NCAM2: variants seen among roughly 807,000 people sequenced by gnomAD.
NCAM2 encodes the protein N-CAM-2.
A neutral mutation model predicts 98.1 loss-of-function variants in NCAM2; 30 were observed. The ratio of observed to expected loss-of-function variants is 0.31; its 90% confidence interval spans 0.23 to 0.41. NCAM2 has a LOEUF of 0.41. Among genes scored for constraint, NCAM2 ranks in the 10% least tolerant of loss-of-function variants. The pLI, the probability that NCAM2 is intolerant of heterozygous loss-of-function variation, is 1.00. For synonymous variants in NCAM2, 368 were observed against 342.4 expected, an observed-to-expected ratio of 1.07 and a Z score of -0.83; for missense variants, 867 against 1,005.8, an observed-to-expected ratio of 0.86 and a Z score of 1.87.
intron 12 of NCAM2, among the ~76,000 whole-genome samples, chr21:21,453,038 T>C (rs1435555175): frequency 8.4e-6 from 1 of 119,754 alleles, no homozygotes; most frequent in African/African-American, 3.3e-5. Context: ...ATAAAAATAA[T>C]ATATACATAT....
chr21:21,497,741 A>G (rs940429834), intron 15 of NCAM2, among the ~76,000 whole-genome samples: 3 of 152,190 alleles, frequency 2.0e-5, no homozygotes, highest in Non-Finnish European at 4.4e-5. Context: ...TTCTGGGAAA[A>G]GAAATTCGGT....
At chr21:21,013,265 C>T (rs2059606237) in intron 1 of NCAM2, among the ~76,000 whole-genome samples, 3 of 152,172 alleles carry the variant, frequency 2.0e-5, no homozygotes, top group Admixed American at 2.0e-4. Flanking sequence ...TTAAAAAAGC[C>T]ACTCCAGTGA....
At chr21:21,335,331 G>A (rs982452380) in intron 6 of NCAM2, among the ~76,000 whole-genome samples, 174 bp from the exon 7 acceptor site, 6 of 151,952 alleles carry the variant, frequency 3.9e-5, no homozygotes, top group Admixed American at 6.6e-5. Flanking sequence ...TAATTTTATT[G>A]TTTATTCGTT....
At chr21:21,438,266 G>GCT (rs1978689556) in intron 12 of NCAM2, among the ~76,000 whole-genome samples, 1 of 151,754 alleles carries the variant, frequency 6.6e-6, no homozygotes, top group Admixed American at 6.6e-5. Flanking sequence ...GTAATTATCA[G>GCT]CTCTTGGTGG....
intron 1 of NCAM2, among the ~76,000 whole-genome samples, chr21:21,155,411 A>T (rs547519496): frequency 2.6e-5 from 4 of 151,772 alleles, no homozygotes; most frequent in East Asian, 1.9e-4. Flanking sequence ...TATGTGTCAA[A>T]GTCTTGTGGG....
At chr21:21,078,763 T>C (rs781157366) in intron 1 of NCAM2, among the ~76,000 whole-genome samples, 1 of 152,094 alleles carries the variant, frequency 6.6e-6, no homozygotes, top group South Asian at 2.1e-4. Flanking sequence ...CTGTTTACAA[T>C]AACAAACACA....
intron 4 of NCAM2, among the ~76,000 whole-genome samples, chr21:21,289,544 A>T (rs1293990245): frequency 6.6e-6 from 1 of 151,970 alleles, no homozygotes; most frequent in Non-Finnish European, 1.5e-5. Context: ...AGGGAAGACC[A>T]TGTGCAATGG....
At chr21:21,530,031 A>G (rs1989538021) in intron 16 of NCAM2, among the ~76,000 whole-genome samples, 1 of 147,474 alleles carries the variant, frequency 6.8e-6, no homozygotes, top group Non-Finnish European at 1.5e-5. Context: ...ATCTATATGT[A>G]ATTTTATATT....
rs34951356 is a variant in NCAM2 at position 21,396,161 on chromosome 21, GAAA to G, written c.1196-14102_1196-14100del. Reference sequence around the variant, plus strand: ...ATCTACAAGGAACCCAAATCAGCAAGAAAAAAAAAAAAATACCATCAATAAGTG... The same window carrying G: ...ATCTACAAGGAACCCAAATCAGCAAGAAAAAAAAAATACCATCAATAAGTG... On this transcript the variant is annotated intron_variant, in intron 9 of 17. Coordinates refer to ENST00000400546, the MANE Select transcript of NCAM2 (RefSeq NM_004540.5). Among the ~76,000 whole-genome samples the G allele has an allele frequency of 7.8e-4, 108 of 137,748 alleles. 1 individual carries two copies. The highest frequency in any genetic ancestry group is 1.9e-3 in the African/African-American group (72 of 38,346). The allele number at this position is 137,748 out of a possible 152,430, so 90.4% of individuals were successfully genotyped here. A position where few individuals can be genotyped will look rare whatever the true frequency, so the allele number is the denominator to read the frequency against.
chr21:21,161,214 A>G (rs567830735), intron 1 of NCAM2, among the ~76,000 whole-genome samples: 42 of 152,196 alleles, frequency 2.8e-4, no homozygotes, highest in African/African-American at 1.0e-3. Flanking sequence ...ATCTTAAGAC[A>G]GAATGAAGAT....
At chr21:21,191,403 T>C (rs117704399) in intron 1 of NCAM2, among the ~76,000 whole-genome samples, 2,967 of 152,304 alleles carry the variant, frequency 0.019, 43 homozygotes, top group Non-Finnish European at 0.03. Flanking sequence ...GTAGCAATGA[T>C]TTCAGAAACA....
At chr21:21,265,454 A>AT (rs2147387172) in intron 1 of NCAM2, among the ~76,000 whole-genome samples, 1 of 137,460 alleles carries the variant, frequency 7.3e-6, no homozygotes, top group Non-Finnish European at 1.5e-5. Flanking sequence ...ATACACACAT[A>AT]TATAATATAT....
At chr21:21,535,781 A>C (rs1569145505) in intron 17 of NCAM2, among the ~76,000 whole-genome samples, 2 of 152,206 alleles carry the variant, frequency 1.3e-5, no homozygotes, top group South Asian at 4.1e-4. Flanking sequence ...TTTTGGGAAA[A>C]AAGGGTAATT....
chr21:21,403,441 C>A (rs1051888255), intron 9 of NCAM2, among the ~76,000 whole-genome samples: 2 of 152,252 alleles, frequency 1.3e-5, no homozygotes, highest in African/African-American at 4.8e-5. Flanking sequence ...CCTCCCAGAG[C>A]TGCAGATGGA....
intron 5 of NCAM2, 97 bp downstream of exon 5, chr21:21,292,338 TA>T: frequency 8.4e-7 from 1 of 1,187,958 alleles, no homozygotes; most frequent in Admixed American, 2.3e-5. Context: ...AAGTCTTATC[TA>T]ATAAACCTCT....
At chr21:21,534,817 T>C (rs1989895620) in intron 17 of NCAM2, among the ~76,000 whole-genome samples, 161 bp downstream of exon 17, 1 of 152,190 alleles carries the variant, frequency 6.6e-6, no homozygotes, top group East Asian at 1.9e-4. Flanking sequence ...ATCCATTTTC[T>C]AAGGAGACAT....
At chr21:21,147,676 C>T (rs955585612) in intron 1 of NCAM2, among the ~76,000 whole-genome samples, 1 of 146,912 alleles carries the variant, frequency 6.8e-6, no homozygotes, top group Non-Finnish European at 1.5e-5. Context: ...TACACACTAG[C>T]GCATATGCAC....
In NCAM2 at chr21:21,385,627, T is replaced by G. The variant is rs1032811059; in HGVS notation, c.1195+11614T>G. ...AGCTTAAACAGATTTCTTGGCATTCTTCCAGTTCATTTTCAACATTTCCGA... is the reference window on the plus strand; with the variant it reads ...AGCTTAAACAGATTTCTTGGCATTCGTCCAGTTCATTTTCAACATTTCCGA... On this transcript the variant is annotated intron_variant, in intron 9 of 17. Coordinates refer to ENST00000400546, the MANE Select transcript of NCAM2 (RefSeq NM_004540.5). The G allele has an allele frequency of 7.0e-6, 9 of 1,287,926 alleles. No homozygotes were observed. The Admixed American group carries it at 2.1e-4, about 30-fold the overall frequency. 79.8% of individuals were successfully genotyped at this position (1,287,926 alleles called of 1,614,324 possible).
intron 8 of NCAM2, among the ~76,000 whole-genome samples, chr21:21,348,557 C>T (rs1341178208): frequency 6.6e-6 from 1 of 151,976 alleles, no homozygotes; most frequent in African/African-American, 2.4e-5. Flanking sequence ...CAATCCCTAT[C>T]AAAATTTAAT....
Sources: allele counts gnomAD v4.1 joint callset (sites outside exome capture counted in the v4.1 genomes callset), GRCh38; gene constraint gnomAD v4.1.1; transcripts MANE v1.5; gene names NCBI Gene and HGNC (gene_info 2026-07-23, HGNC 2026-07-21).